The following HS3ST3A1 variants were observed in gnomAD, a reference collection of about 807,000 sequenced individuals.
The protein encoded by HS3ST3A1 is heparan sulfate-glucosamine 3-sulfotransferase 3A1.
In HS3ST3A1, 19 loss-of-function variants were observed where a neutral mutation model predicts 25.7. The observed-to-expected ratio is 0.74, with a 90% confidence interval of 0.52 to 1.08. The LOEUF (loss-of-function observed/expected upper bound fraction) is 1.08. Ranked by LOEUF, HS3ST3A1 falls within the 50% of genes least tolerant of loss-of-function variation. The pLI, the probability that HS3ST3A1 is intolerant of heterozygous loss-of-function variation, is 0.00. For synonymous variants in HS3ST3A1, 226 were observed against 278.6 expected (o/e 0.81, Z 1.88); for missense variants, 459 against 594.3 (o/e 0.77, Z 2.37).
chr17:13,541,924 T>C (rs1050546038), intron 1 of HS3ST3A1, among the ~76,000 whole-genome samples: 1 of 152,196 alleles, frequency 6.6e-6, no homozygotes, highest in Admixed American at 6.5e-5. Flanking sequence ...CTTGACTTCA[T>C]TGATACCTGG....
At chr17:13,579,143 T>G (rs1908032767) in intron 1 of HS3ST3A1, among the ~76,000 whole-genome samples, 1 of 152,224 alleles carries the variant, frequency 6.6e-6, no homozygotes, top group African/African-American at 2.4e-5. Context: ...ATCATAAAGA[T>G]GTGGAAACTC....
intron 1 of HS3ST3A1, among the ~76,000 whole-genome samples, chr17:13,551,626 G>A (rs1397769446): frequency 6.6e-5 from 7 of 106,528 alleles, no homozygotes; most frequent in East Asian, 4.4e-4. Context: ...AAAAAAAAAA[G>A]GGGGGGGGGT....
In HS3ST3A1 at chr17:13,494,689, C is replaced by T. The variant is rs1042896735; in HGVS notation, c.*1508G>A. ...CTAATTATAAATGTTTTATATATTT[C>T]GTGCATATGTGTTCCTCTCTAAACC... is the stretch of plus-strand genomic sequence containing the variant. On this transcript the variant is annotated 3_prime_UTR_variant, in exon 2 of 2. Transcript: ENST00000284110. Among the ~76,000 whole-genome samples, 3 of 152,038 alleles carry T rather than the reference C, an allele frequency of 2.0e-5. No individual in the cohort carries two copies. The highest frequency in any genetic ancestry group is 6.6e-5 in the Admixed American group (1 of 15,260).
intron 1 of HS3ST3A1, among the ~76,000 whole-genome samples, chr17:13,551,811 C>A (rs541533857): frequency 6.6e-6 from 1 of 152,120 alleles, no homozygotes; most frequent in African/African-American, 2.4e-5. Context: ...TTGTTTTCCA[C>A]GCATTTGGTA....
intron 1 of HS3ST3A1, among the ~76,000 whole-genome samples, chr17:13,535,056 A>G (rs758229494): frequency 5.4e-5 from 6 of 111,450 alleles, no homozygotes; most frequent in East Asian, 2.3e-4. Context: ...AATAAATAAA[A>G]TGAAACATTA....
intron 1 of HS3ST3A1, among the ~76,000 whole-genome samples, chr17:13,536,802 T>G (rs772344471): frequency 6.6e-6 from 1 of 152,192 alleles, no homozygotes; most frequent in Non-Finnish European, 1.5e-5. Flanking sequence ...GGGTTCTGCC[T>G]TTGGTTTAAT....
chr17:13,523,903 G>T (rs866093487), intron 1 of HS3ST3A1, among the ~76,000 whole-genome samples: 5 of 152,098 alleles, frequency 3.3e-5, no homozygotes, highest in South Asian at 2.1e-4. Flanking sequence ...GGGCATGAAT[G>T]CTTATTTACC....
At position 13,564,477 on chromosome 17, in the gene HS3ST3A1, T is replaced by A. The variant is rs560425864; in HGVS notation, c.599+36054A>T. Among the ~76,000 whole-genome samples, 24 of 152,306 alleles carry A rather than the reference T, an allele frequency of 1.6e-4. No homozygotes were observed. In the East Asian group the frequency reaches 3.7e-3, roughly 23 times the overall value. ...AAGTTCCTTATATAAAATGGCATGG[T>A]ATTTGCATATAACCTACACACATCC... On this transcript the variant is annotated intron_variant, in intron 1 of 1. Transcript: ENST00000284110.
chr17:13,533,286 A>T (rs964815396), intron 1 of HS3ST3A1, among the ~76,000 whole-genome samples: 2 of 152,068 alleles, frequency 1.3e-5, no homozygotes, highest in African/African-American at 4.8e-5. Flanking sequence ...ACGAATATTT[A>T]ATACATATCT....
At chr17:13,518,712 A>G (rs1906130944) in intron 1 of HS3ST3A1, among the ~76,000 whole-genome samples, 1 of 152,222 alleles carries the variant, frequency 6.6e-6, no homozygotes, top group South Asian at 2.1e-4. Context: ...CTTCTGAAGG[A>G]TGAAAGACAG....
chr17:13,496,416 C>T lies in HS3ST3A1; in HGVS notation c.1002G>A (p.Arg334=). The change falls in exon 2 of 2, where the codon AGG becomes AGA. Residue 334 remains arginine (R), a synonymous_variant. Coordinates refer to ENST00000284110, the MANE Select transcript of HS3ST3A1 (RefSeq NM_006042.3). ...GRVQDFLGLK[R]IITDKHFYFN... ...AGTAGAAGTGCTTGTCCGTGATGAT[C>T]CTCTTGAGGCCCAGGAAGTCTTGCA... is the stretch of plus-strand genomic sequence containing the variant. The T allele has an allele frequency of 1.5e-6, 2 of 1,351,186 alleles. No homozygotes were observed. Among genetic ancestry groups the T allele is most frequent in the Non-Finnish European group, 1.0e-6 (1 of 975,114 alleles). 83.7% of individuals were successfully genotyped at this position (1,351,186 alleles called of 1,614,324 possible).
At chr17:13,555,679 A>AT (rs1465371003) in intron 1 of HS3ST3A1, among the ~76,000 whole-genome samples, 2 of 152,182 alleles carry the variant, frequency 1.3e-5, no homozygotes, top group Admixed American at 6.5e-5. Flanking sequence ...CAAATATGTC[A>AT]TTTTTTCATA....
chr17:13,541,967 A>G (rs780946205), intron 1 of HS3ST3A1, among the ~76,000 whole-genome samples: 151 of 152,254 alleles, frequency 9.9e-4, no homozygotes, highest in Non-Finnish European at 1.9e-3. Flanking sequence ...CAAAATTGGT[A>G]AGTTGAAGCC....
chr17:13,532,490 G>A (rs1046138683), intron 1 of HS3ST3A1, among the ~76,000 whole-genome samples: 1 of 152,028 alleles, frequency 6.6e-6, no homozygotes. Flanking sequence ...TCAGGAGCTA[G>A]CTGAACACCT....
intron 1 of HS3ST3A1, among the ~76,000 whole-genome samples, chr17:13,523,019 A>G (rs1354948556): frequency 6.6e-6 from 1 of 151,988 alleles, no homozygotes; most frequent in Admixed American, 6.6e-5. Context: ...GAATACTTAG[A>G]AAAAAAATAG....
chr17:13,548,835 G>A (rs966967231), intron 1 of HS3ST3A1, among the ~76,000 whole-genome samples: 5 of 152,048 alleles, frequency 3.3e-5, no homozygotes, highest in Admixed American at 3.3e-4. Flanking sequence ...TCAGCGCTCT[G>A]TGTCTACCTA....
At chr17:13,520,647 C>G (rs569971074) in intron 1 of HS3ST3A1, among the ~76,000 whole-genome samples, 152 of 151,066 alleles carry the variant, frequency 1.0e-3, no homozygotes, top group African/African-American at 3.5e-3. Context: ...TAGAGTCTTG[C>G]TCTGTCACCC....
chr17:13,583,523 A>G (rs976919983), intron 1 of HS3ST3A1, among the ~76,000 whole-genome samples: 1 of 151,914 alleles, frequency 6.6e-6, no homozygotes, highest in Admixed American at 6.6e-5. Flanking sequence ...GGCTCCTCAT[A>G]CTCTCAATTT....
intron 1 of HS3ST3A1, among the ~76,000 whole-genome samples, chr17:13,547,351 C>G (rs551587578): frequency 6.6e-6 from 1 of 152,138 alleles, no homozygotes; most frequent in East Asian, 1.9e-4. Flanking sequence ...TTCAGGGGAA[C>G]GGGTTGCCAG....
Sources: allele counts gnomAD v4.1 joint callset (sites outside exome capture counted in the v4.1 genomes callset), GRCh38; gene constraint gnomAD v4.1.1; transcripts MANE v1.5; gene names NCBI Gene and HGNC (gene_info 2026-07-23, HGNC 2026-07-21).